PLCB1: variants seen among roughly 807,000 people sequenced by gnomAD.
The protein encoded by PLCB1 is 1-phosphatidylinositol 4,5-bisphosphate phosphodiesterase beta-1.
Under a neutral mutation model 161.8 loss-of-function variants are expected in PLCB1, and 46 were observed. The ratio of observed to expected loss-of-function variants is 0.28; its 90% CI spans 0.22 to 0.36. PLCB1 has a LOEUF of 0.36. PLCB1 is among the 10% of genes least tolerant of loss of function. The pLI is 1.00. For synonymous variants in PLCB1, 517 were observed against 503.7 expected (o/e 1.03, Z -0.35); for missense variants, 1,016 against 1,472.5 (o/e 0.69, Z 5.07).
chr20:8,584,686 T>A (rs1401634941), intron 3 of PLCB1, among the ~76,000 whole-genome samples: 1 of 145,566 alleles, frequency 6.9e-6, no homozygotes, highest in Non-Finnish European at 1.5e-5. Flanking sequence ...TTGATTCTTA[T>A]TTCAAGATTC....
At chr20:8,500,713 C>G (rs1174752003) in intron 3 of PLCB1, among the ~76,000 whole-genome samples, 1 of 152,096 alleles carries the variant, frequency 6.6e-6, no homozygotes, top group Non-Finnish European at 1.5e-5. Context: ...TTTTATTATA[C>G]ATCCTTTATT....
intron 2 of PLCB1, among the ~76,000 whole-genome samples, chr20:8,320,280 T>C (rs927669829): frequency 6.6e-6 from 1 of 152,232 alleles, no homozygotes; most frequent in Non-Finnish European, 1.5e-5. Flanking sequence ...GGGTATCAAC[T>C]ACAAAACATC....
At chr20:8,755,554 A>T (rs1045468314) in intron 23 of PLCB1, among the ~76,000 whole-genome samples, 1 of 152,224 alleles carries the variant, frequency 6.6e-6, no homozygotes, top group Non-Finnish European at 1.5e-5. Flanking sequence ...AAGGATCAGC[A>T]TTTATTCAAC....
intron 3 of PLCB1, among the ~76,000 whole-genome samples, chr20:8,528,956 G>A (rs902550345): frequency 1.3e-5 from 2 of 151,976 alleles, no homozygotes; most frequent in African/African-American, 2.4e-5. Flanking sequence ...TGCTTCAACA[G>A]TGAAAAAAAC....
Position 8,881,853 on chromosome 20 carries a change from C to A in PLCB1, c.*4C>A. Reference sequence around the variant, plus strand: ...AGAATTTGATACTCCTCTGTGAATGCTCCTGCCAGGCCTTCAGAAATTGCA... The same window carrying A: ...AGAATTTGATACTCCTCTGTGAATGATCCTGCCAGGCCTTCAGAAATTGCA... On this transcript the variant is annotated 3_prime_UTR_variant, in exon 32 of 32. Coordinates refer to ENST00000338037, the MANE Select transcript of PLCB1 (RefSeq NM_015192.4). The A allele has an allele frequency of 6.3e-7, 1 of 1,595,684 alleles. No homozygotes were observed. The highest frequency in any genetic ancestry group is 8.6e-7 in the Non-Finnish European group (1 of 1,163,346).
chr20:8,149,812 T>G (rs1407262527), intron 1 of PLCB1, among the ~76,000 whole-genome samples: 1 of 152,168 alleles, frequency 6.6e-6, no homozygotes, highest in Non-Finnish European at 1.5e-5. Context: ...TGTATATATC[T>G]TTCTGAATAT....
chr20:8,706,473 G>C (rs1978682755), intron 11 of PLCB1, among the ~76,000 whole-genome samples: 1 of 152,218 alleles, frequency 6.6e-6, no homozygotes, highest in Admixed American at 6.5e-5. Context: ...GGACAAGATT[G>C]CTGATGAATT....
chr20:8,821,315 C>G (rs1366509228), intron 31 of PLCB1, among the ~76,000 whole-genome samples: 1 of 150,612 alleles, frequency 6.6e-6, no homozygotes, highest in Non-Finnish European at 1.5e-5. Flanking sequence ...CACATCTCTA[C>G]TAAAAATATA....
chr20:8,370,193 A>G (rs1335266023), intron 2 of PLCB1, among the ~76,000 whole-genome samples: 1 of 152,188 alleles, frequency 6.6e-6, no homozygotes, highest in African/African-American at 2.4e-5. Flanking sequence ...TCACTGCACC[A>G]CAGTCCTACC....
chr20:8,859,507 C>A (rs6133635), intron 31 of PLCB1, among the ~76,000 whole-genome samples: 42,888 of 152,006 alleles, frequency 0.28, 7,368 homozygotes, highest in East Asian at 0.65. Context: ...TCTGCTCTCC[C>A]GCACAGCTGA....
chr20:8,789,398 A>T (rs1983643245), intron 29 of PLCB1, 120 bp from the exon 30 acceptor site: 5 of 735,988 alleles, frequency 6.8e-6, no homozygotes, highest in Non-Finnish European at 1.2e-5. Flanking sequence ...AATAGATAAA[A>T]ATAAGGAAAA....
chr20:8,221,242 G>T (rs925122169), intron 2 of PLCB1, among the ~76,000 whole-genome samples: 8 of 151,976 alleles, frequency 5.3e-5, no homozygotes, highest in African/African-American at 1.7e-4. Flanking sequence ...AAAAAGAAAG[G>T]TGACGGTTTT....
intron 3 of PLCB1, among the ~76,000 whole-genome samples, chr20:8,566,307 A>ATC (rs1230626501): frequency 2.0e-5 from 3 of 152,174 alleles, no homozygotes; most frequent in African/African-American, 7.2e-5. Flanking sequence ...TGGACGAATC[A>ATC]TCTCAGTTTC....
intron 2 of PLCB1, among the ~76,000 whole-genome samples, chr20:8,195,373 C>T (rs2052010811): frequency 6.6e-6 from 1 of 151,926 alleles, no homozygotes; most frequent in South Asian, 2.1e-4. Context: ...GGGCAGAGCC[C>T]TCATAAATGG....
intron 2 of PLCB1, among the ~76,000 whole-genome samples, chr20:8,309,432 A>G (rs1379153269): frequency 2.0e-5 from 3 of 152,204 alleles, no homozygotes; most frequent in African/African-American, 7.2e-5. Flanking sequence ...TTGTTGTTGA[A>G]TAAGAAAACA....
chr20:8,295,575 AAAAT>A (rs906747087), intron 2 of PLCB1, among the ~76,000 whole-genome samples: 4 of 152,150 alleles, frequency 2.6e-5, no homozygotes, highest in Non-Finnish European at 5.9e-5. Flanking sequence ...AGAATTAATC[AAAAT>A]AAATAAATAA....
intron 3 of PLCB1, among the ~76,000 whole-genome samples, chr20:8,491,994 T>A (rs539569032): frequency 1.6e-4 from 25 of 152,272 alleles, no homozygotes; most frequent in African/African-American, 5.8e-4. Flanking sequence ...ATAATTCTTA[T>A]CCCTGTTAAT....
Position 8,169,684 on chromosome 20 carries a change from A to G in PLCB1, c.177+19313A>G, listed in dbSNP as rs111358877. 3.6e-3 allele frequency among the ~76,000 whole-genome samples: 548 copies of G among 152,262 alleles called. 4 individuals are homozygous for G. The highest frequency in any genetic ancestry group is 0.012 in the African/African-American group (498 of 41,552). ...CAGATAAATCCCTGATTGGACAACTATCTAAGAGTTAGTAGATCCACTCAG... is the reference window on the plus strand; with the variant it reads ...CAGATAAATCCCTGATTGGACAACTGTCTAAGAGTTAGTAGATCCACTCAG... On this transcript the variant is annotated intron_variant, in intron 2 of 31. Transcript: ENST00000338037.
At chr20:8,144,738 GT>G (rs1483725285) in intron 1 of PLCB1, among the ~76,000 whole-genome samples, 3 of 152,170 alleles carry the variant, frequency 2.0e-5, no homozygotes, top group African/African-American at 7.2e-5. Context: ...TTGCATAGCT[GT>G]TTTCCCCCCA....
Sources: gnomAD v4.1 joint callset for allele counts (sites outside exome capture counted in the v4.1 genomes callset) on GRCh38, gnomAD v4.1.1 for gene constraint, MANE v1.5 for transcripts, NCBI Gene and HGNC (gene_info 2026-07-23, HGNC 2026-07-21) for gene names.